The following ASCC3 variants were observed in gnomAD, a reference collection of about 807,000 sequenced individuals.
The protein encoded by ASCC3 is activating signal cointegrator 1 complex subunit 3, also known as ASC-1 complex subunit P200.
Under a neutral mutation model 256.3 loss-of-function variants are expected in ASCC3, and 158 were observed. The observed-to-expected ratio is 0.62, with a 90% CI of 0.54 to 0.70. The LOEUF (loss-of-function observed/expected upper bound fraction) is 0.70, where lower values mean the gene tolerates loss of function less well. Among genes scored for constraint, ASCC3 ranks in the 30% least tolerant of loss-of-function variants. The probability of loss-of-function intolerance (pLI) is 0.00; values close to 1 mark genes in which losing one functional copy is unlikely to be tolerated. For synonymous variants in ASCC3, 948 were observed against 883.4 expected, an observed-to-expected ratio of 1.07 and a Z score of -1.30; for missense variants, 2,259 against 2,626.0, an observed-to-expected ratio of 0.86 and a Z score of 3.05.
chr6:100,770,253 C>T (rs754634240), intron 8 of ASCC3, among the ~76,000 whole-genome samples: 45 of 151,850 alleles, frequency 3.0e-4, no homozygotes, highest in Non-Finnish European at 4.7e-4. Context: ...TTGACAAAAT[C>T]GAACATCCAT....
At chr6:100,810,716 T>G (rs1045223570) in intron 4 of ASCC3, among the ~76,000 whole-genome samples, 1 of 152,166 alleles carries the variant, frequency 6.6e-6, no homozygotes, top group Non-Finnish European at 1.5e-5. Context: ...CAACACAGGA[T>G]GAAGATTAAG....
intron 8 of ASCC3, among the ~76,000 whole-genome samples, chr6:100,790,815 T>C (rs1171435606): frequency 6.6e-6 from 1 of 151,948 alleles, no homozygotes; most frequent in African/African-American, 2.4e-5. Flanking sequence ...AGATGTTAGT[T>C]ATAACTTTTT....
intron 10 of ASCC3, among the ~76,000 whole-genome samples, chr6:100,725,991 TA>T (rs199692955): frequency 0.019 from 2,424 of 129,902 alleles, 101 homozygotes; most frequent in East Asian, 0.16. Context: ...TCTTACAATG[TA>T]AAAAAAAAAA....
chr6:100,624,140 A>G (rs1774112565), intron 30 of ASCC3, among the ~76,000 whole-genome samples: 1 of 152,018 alleles, frequency 6.6e-6, no homozygotes, highest in Non-Finnish European at 1.5e-5. Flanking sequence ...ACACCATGAA[A>G]AAAAGACAAG....
intron 11 of ASCC3, among the ~76,000 whole-genome samples, chr6:100,723,069 C>T (rs1483273315): frequency 6.6e-6 from 1 of 151,600 alleles, no homozygotes. Flanking sequence ...TTGCTAGATG[C>T]TTTCAAATTC....
chr6:100,851,803 T>C (rs1441528415), intron 3 of ASCC3, among the ~76,000 whole-genome samples: 1 of 152,194 alleles, frequency 6.6e-6, no homozygotes, highest in Non-Finnish European at 1.5e-5. Context: ...TTTGTTAACA[T>C]GGATGACTAC....
chr6:100,841,660 T>A (rs749407177), intron 4 of ASCC3, among the ~76,000 whole-genome samples: 20 of 145,982 alleles, frequency 1.4e-4, no homozygotes, highest in Non-Finnish European at 2.4e-4. Context: ...AATGTCAACA[T>A]AAAAGAAAAC....
At chr6:100,716,076 A>G (rs1486566782) in intron 12 of ASCC3, among the ~76,000 whole-genome samples, 1 of 151,834 alleles carries the variant, frequency 6.6e-6, no homozygotes, top group African/African-American at 2.4e-5. Context: ...TTTCAGATTA[A>G]TTGGAAATCT....
chr6:100,875,154 G>C (rs1022752617), intron 1 of ASCC3, among the ~76,000 whole-genome samples: 2 of 129,786 alleles, frequency 1.5e-5, no homozygotes, highest in Non-Finnish European at 3.7e-5. Context: ...CCAACTGAAA[G>C]ACAGAGAGGA....
Position 100,638,667 on chromosome 6 carries a change from T to C in ASCC3, c.4056A>G (p.Gly1352=), listed in dbSNP as rs1774964108. 1.9e-6 allele frequency: 3 copies of C among 1,614,084 alleles called. No homozygotes were observed. The Admixed American group carries it at 5.0e-5, about 27-fold the overall frequency. ...DCNVLLGAPT[G]SGKTVAAELA... ...ATTCAGCTGCAACAGTCTTTCCCGATCCAGTAGGTGCTCCAAGTAGGACAT... is the reference window on the plus strand; with the variant it reads ...ATTCAGCTGCAACAGTCTTTCCCGACCCAGTAGGTGCTCCAAGTAGGACAT... The change falls in exon 25 of 42, where the codon GGA becomes GGG. Residue 1352 remains glycine (G), a synonymous_variant. Coordinates refer to ENST00000369162, the MANE Select transcript of ASCC3 (RefSeq NM_006828.4).
In ASCC3 at chr6:100,647,330, C is replaced by A. The variant is rs1174897111; in HGVS notation, c.3374G>T (p.Ser1125Ile). Residue 1125 changes from serine (S) to isoleucine (I), a missense_variant, in exon 21 of 42, where the codon AGC (serine) becomes ATC (isoleucine). Coordinates refer to ENST00000369162, the MANE Select transcript of ASCC3 (RefSeq NM_006828.4). The part of the protein sequence containing the change: ...VIDKRLWGWA[S>I]PLRQFSILPP... ...TAGGATTGAAAATTGTCTCAAAGGGCTAGCCCAACCCCAAAGCCTCTTGTC... is the reference window on the plus strand; with the variant it reads ...TAGGATTGAAAATTGTCTCAAAGGGATAGCCCAACCCCAAAGCCTCTTGTC... 3 of 1,613,836 alleles carry A rather than the reference C, an allele frequency of 1.9e-6. No individual in the cohort carries two copies. The highest frequency in any genetic ancestry group is 2.5e-6 in the Non-Finnish European group (3 of 1,179,966).
chr6:100,841,472 C>CA (rs941193932), intron 4 of ASCC3, among the ~76,000 whole-genome samples: 9 of 151,156 alleles, frequency 6.0e-5, no homozygotes, highest in African/African-American at 1.9e-4. Flanking sequence ...TGTGAATTTA[C>CA]AAAAAAAAGT....
chr6:100,572,242 A>G (rs1770629800), intron 36 of ASCC3, among the ~76,000 whole-genome samples: 1 of 151,990 alleles, frequency 6.6e-6, no homozygotes. Flanking sequence ...TATAAAGGAG[A>G]CTCCAGAGAA....
intron 10 of ASCC3, among the ~76,000 whole-genome samples, chr6:100,740,359 A>T (rs184626245): frequency 4.6e-5 from 7 of 152,276 alleles, no homozygotes; most frequent in Admixed American, 4.6e-4. Flanking sequence ...CGATTATGTG[A>T]TCAATTTTAG....
chr6:100,656,476 T>C (rs1775921168), intron 16 of ASCC3, among the ~76,000 whole-genome samples: 1 of 151,656 alleles, frequency 6.6e-6, no homozygotes, highest in Non-Finnish European at 1.5e-5. Context: ...TTTTTATTTA[T>C]CAGTAAACTT....
chr6:100,805,653 A>G, intron 5 of ASCC3, 107 bp downstream of exon 5: 1 of 1,323,532 alleles, frequency 7.6e-7, no homozygotes, highest in Non-Finnish European at 1.0e-6. Context: ...ATATCAGTAA[A>G]TTATATAACA....
In ASCC3 at chr6:100,684,802, C is replaced by CTTTTTT. The variant is rs34237443; in HGVS notation, c.2152-5056_2152-5051dup. ...TTAATGTGAAATCTTGAATCAAACT[C>CTTTTTT]TTTTTTTTTTTTTTTTTTTTTTGAG... On this transcript the variant is annotated intron_variant, in intron 13 of 41. Transcript: ENST00000369162. Among the ~76,000 whole-genome samples the CTTTTTT allele has an allele frequency of 1.2e-4, 11 of 94,712 alleles. 1 individual carries two copies. Among genetic ancestry groups the CTTTTTT allele is most frequent in the South Asian group, 3.5e-4 (1 of 2,874 alleles). The allele number at this position is 94,712 out of a possible 152,430, so 62.1% of individuals were successfully genotyped here.
At chr6:100,631,762 C>T (rs1040469713) in intron 25 of ASCC3, among the ~76,000 whole-genome samples, 23 of 151,794 alleles carry the variant, frequency 1.5e-4, no homozygotes, top group African/African-American at 5.3e-4. Flanking sequence ...TAAATAAAAG[C>T]TGGTCTATAG....
At chr6:100,697,992 G>A (rs1167927642) in intron 13 of ASCC3, among the ~76,000 whole-genome samples, 1 of 152,098 alleles carries the variant, frequency 6.6e-6, no homozygotes, top group Non-Finnish European at 1.5e-5. Flanking sequence ...TGCTCTTTCA[G>A]TTTGTGCAGT....
Sources: gnomAD v4.1 joint callset for allele counts (sites outside exome capture counted in the v4.1 genomes callset) on GRCh38, gnomAD v4.1.1 for gene constraint, MANE v1.5 for transcripts, NCBI Gene and HGNC (gene_info 2026-07-23, HGNC 2026-07-21) for gene names.